MGAM: variants seen among roughly 807,000 people sequenced by gnomAD.
MGAM encodes the protein alpha-1,4-glucosidase.
A neutral mutation model predicts 358.8 loss-of-function variants in MGAM; 253 were observed. That is an observed-to-expected ratio of 0.71 (90% CI 0.64 to 0.78). MGAM has a LOEUF of 0.78. MGAM is among the 30% of genes least tolerant of loss of function. The pLI is 0.00. For synonymous variants in MGAM, 1,105 were observed against 1,227.1 expected, an observed-to-expected ratio of 0.90 and a Z score of 2.08; for missense variants, 3,080 against 3,432.6, an observed-to-expected ratio of 0.90 and a Z score of 2.57.
At chr7:142,069,132 C>A (rs186464166) in intron 43 of MGAM, among the ~76,000 whole-genome samples, 1 of 146,196 alleles carries the variant, frequency 6.8e-6, no homozygotes, top group Non-Finnish European at 1.5e-5. Flanking sequence ...TGATTAAATA[C>A]CTCCTTCCAT....
chr7:142,071,078 A>C lies in MGAM; in HGVS notation c.5146A>C (p.Ile1716Leu). The C allele has an allele frequency of 6.4e-7, 1 of 1,556,300 alleles. No homozygotes were observed. The highest frequency in any genetic ancestry group is 8.8e-7 in the Non-Finnish European group (1 of 1,132,576). The change falls in exon 44 of 71, where the codon ATC (isoleucine) becomes CTC (leucine). Residue 1716 changes from isoleucine to leucine, a missense_variant. Ile to Leu is a conservative substitution (Grantham distance 5). Coordinates refer to ENST00000475668, the MANE Select transcript of MGAM (RefSeq NM_001365693.1). Reference protein sequence around the residue: ...HINLHVRGGYILPWQEPALNT... With the variant: ...HINLHVRGGYLLPWQEPALNT... Reference sequence around the variant, plus strand: ...TAATCTTCATGTCCGTGGGGGCTACATCCTGCCCTGGCAAGAGCCTGCACT... The same window carrying C: ...TAATCTTCATGTCCGTGGGGGCTACCTCCTGCCCTGGCAAGAGCCTGCACT...
intron 9 of MGAM, 91 bp downstream of exon 9, chr7:142,027,318 A>C (rs1807072572): frequency 9.7e-6 from 10 of 1,027,588 alleles, no homozygotes; most frequent in Non-Finnish European, 1.5e-5. Flanking sequence ...GTGACCCACA[A>C]AATCTGCTGT....
chr7:142,095,685 G>A lies in MGAM; in HGVS notation c.7579G>A (p.Val2527Ile), dbSNP rs374392165. 5.5e-5 allele frequency: 88 copies of A among 1,613,990 alleles called. No homozygotes were observed. The highest frequency in any genetic ancestry group is 3.3e-4 in the Middle Eastern group (2 of 6,062). The change falls in exon 64 of 71, where the codon GTC (valine) becomes ATC (isoleucine). Residue 2527 changes from valine (V) to isoleucine (I), a missense_variant. By Grantham distance (29) the Val-to-Ile change is conservative. Around this residue, in one of 5 missense-constraint regions of MGAM, gnomAD observed 932 missense variants for 1,198.2 expected, o/e 0.78. Coordinates refer to ENST00000475668, the MANE Select transcript of MGAM (RefSeq NM_001365693.1). ...TLMHKAHTEG[V>I]TVVRPLLHEF... is the part of the protein sequence containing the mutation. ...GATGCATAAGGCCCACACGGAGGGCGTCACTGTTGTGCGGCCTCTGCTCCA... is the reference window on the plus strand; with the variant it reads ...GATGCATAAGGCCCACACGGAGGGCATCACTGTTGTGCGGCCTCTGCTCCA...
chr7:142,072,260 C>G (rs1813405770), intron 44 of MGAM, among the ~76,000 whole-genome samples: 1 of 145,934 alleles, frequency 6.9e-6, no homozygotes, highest in South Asian at 2.2e-4. Context: ...ACATACAGAC[C>G]AGGTATGCCA....
intron 7 of MGAM, 122 bp downstream of exon 7, chr7:142,022,561 TTCTAG>T (rs1806563649): frequency 7.4e-6 from 8 of 1,080,672 alleles, no homozygotes; most frequent in Non-Finnish European, 9.0e-6. Context: ...TGGCTTTGAA[TTCTAG>T]TCTTGCTATT....
In MGAM at chr7:142,040,142, C is replaced by T; in HGVS notation, c.2344C>T (p.Pro782Ser). The T allele has an allele frequency of 6.2e-7, 1 of 1,612,602 alleles. No homozygotes were observed. Among genetic ancestry groups the T allele is most frequent in the Non-Finnish European group, 8.5e-7 (1 of 1,179,114 alleles). Residue 782 changes from proline to serine, a missense_variant, in exon 20 of 71, where the codon CCT (proline) becomes TCT (serine). Transcript: ENST00000475668. ...EGAEKVMAYV[P>S]DAVWYDYETG... The stretch of plus-strand genomic sequence containing the variant: ...TGCAGAGAAAGTGATGGCATATGTG[C>T]CTGATGCTGTCTGGTATGACTACGA...
intron 3 of MGAM, among the ~76,000 whole-genome samples, chr7:142,009,146 G>A (rs79910232): frequency 0.036 from 5,542 of 152,134 alleles, 335 homozygotes; most frequent in African/African-American, 0.13. Context: ...TCTAGAATCT[G>A]CAGTAAAAAT....
At chr7:142,004,102 A>G (rs546902374) in intron 1 of MGAM, among the ~76,000 whole-genome samples, 66 of 152,208 alleles carry the variant, frequency 4.3e-4, no homozygotes, top group African/African-American at 9.4e-4. Context: ...GAGGATGTAA[A>G]TTAGTACAAT....
Position 142,095,627 on chromosome 7 carries a change from C to A in MGAM, c.7521C>A (p.Thr2507=), listed in dbSNP as rs754757315. 2.5e-5 allele frequency: 41 copies of A among 1,613,728 alleles called. No individual in the cohort carries two copies. Among genetic ancestry groups the A allele is most frequent in the Admixed American group, 1.5e-4 (9 of 59,992 alleles). ...FVNISRTVLQ[T]RYTLLPYLYT... ...ATATTTCCAGAACTGTCCTGCAGACCAGATACACCCTGTTGCCATATCTGT... is the reference window on the plus strand; with the variant it reads ...ATATTTCCAGAACTGTCCTGCAGACAAGATACACCCTGTTGCCATATCTGT... Residue 2507 remains threonine, a synonymous_variant, in exon 64 of 71, where the codon ACC becomes ACA. Transcript: ENST00000475668.
chr7:142,040,450 G>C (rs1049536170), intron 20 of MGAM: 4 of 581,704 alleles, frequency 6.9e-6, no homozygotes, highest in Non-Finnish European at 1.2e-5. Flanking sequence ...GACAATGTGA[G>C]CTTGGTCAGG....
intron 7 of MGAM, among the ~76,000 whole-genome samples, chr7:142,023,686 A>G (rs1297993646): frequency 1.3e-5 from 2 of 150,878 alleles, no homozygotes; most frequent in African/African-American, 4.9e-5. Context: ...CTCAAAAAAA[A>G]AGAGGTTGTA....
At chr7:142,009,870 A>G (rs1554453837) in intron 3 of MGAM, among the ~76,000 whole-genome samples, 1 of 152,112 alleles carries the variant, frequency 6.6e-6, no homozygotes. Flanking sequence ...GGCTATGGAT[A>G]ATGATGTGTT....
Position 142,068,726 on chromosome 7 carries a change from A to G in MGAM, c.5061+23A>G, listed in dbSNP as rs371042184. The stretch of plus-strand genomic sequence containing the variant: ...ACGGTAAGTTTTTCTGAATGTTTAT[A>G]TAACACGGGAATGTGGTAGAGAGTA... On this transcript the variant is annotated intron_variant, in intron 43 of 70. Coordinates refer to ENST00000475668, the MANE Select transcript of MGAM (RefSeq NM_001365693.1). 55 of 1,465,090 alleles carry G rather than the reference A, an allele frequency of 3.8e-5. 4 individuals carry two copies. The East Asian group carries it at 5.1e-4, about 13-fold the overall frequency. 90.8% of individuals were successfully genotyped at this position (1,465,090 alleles called of 1,614,324 possible). A position where few individuals can be genotyped will look rare whatever the true frequency, so the allele number is the denominator to read the frequency against.
At chr7:142,097,902 A>T (rs1001339892) in intron 66 of MGAM, among the ~76,000 whole-genome samples, 15 of 152,168 alleles carry the variant, frequency 9.9e-5, no homozygotes, top group African/African-American at 3.6e-4. Context: ...TCTTTGTGTT[A>T]ATTTTTAATA....
intron 60 of MGAM, 117 bp downstream of exon 60, chr7:142,093,667 C>G: frequency 8.8e-7 from 1 of 1,141,372 alleles, no homozygotes; most frequent in Non-Finnish European, 1.2e-6. Flanking sequence ...ATTCTCATGA[C>G]AACTGTGTAA....
chr7:142,093,699 T>G lies in MGAM; in HGVS notation c.7172+149T>G, dbSNP rs537871546. On this transcript the variant is annotated intron_variant, in intron 60 of 70. Coordinates refer to ENST00000475668, the MANE Select transcript of MGAM (RefSeq NM_001365693.1). The stretch of plus-strand genomic sequence containing the variant: ...GTAATGATTCTTATTAGATAAACAC[T>G]TAGTGACATGGAGCCAGGCCCTGTG... 1.5e-4 allele frequency: 147 copies of G among 979,926 alleles called. 10 individuals carry two copies. Among genetic ancestry groups the G allele is most frequent in the Non-Finnish European group, 2.0e-4 (138 of 681,626 alleles). The allele number at this position is 979,926 out of a possible 1,614,324, so 60.7% of individuals were successfully genotyped here. A position where few individuals can be genotyped will look rare whatever the true frequency, so the allele number is the denominator to read the frequency against.
Position 142,079,908 on chromosome 7 carries a change from C to T in MGAM, c.5848-883C>T, listed in dbSNP as rs957961596. Among the ~76,000 whole-genome samples, 3 of 146,424 alleles carry T rather than the reference C, an allele frequency of 2.0e-5. 1 individual carries two copies. The highest frequency in any genetic ancestry group is 3.1e-5 in the Non-Finnish European group (2 of 64,648). On this transcript the variant is annotated intron_variant, in intron 49 of 70. Transcript: ENST00000475668. ...CATAGCACTAGCATGTTGTAGGCACCTAATGGGTTTGAAGTGAATGAACTT... is the reference window on the plus strand; with the variant it reads ...CATAGCACTAGCATGTTGTAGGCACTTAATGGGTTTGAAGTGAATGAACTT...
chr7:142,106,335 A>G lies in MGAM; in HGVS notation c.*444A>G, dbSNP rs187978063. 6.5e-6 allele frequency: 1 copy of G among 154,448 alleles called. No homozygotes were observed. The highest frequency in any genetic ancestry group is 6.4e-5 in the Admixed American group (1 of 15,542). The allele number at this position is 154,448 out of a possible 1,614,324, so 9.6% of individuals were successfully genotyped here. On this transcript the variant is annotated 3_prime_UTR_variant, in exon 71 of 71. Coordinates refer to ENST00000475668, the MANE Select transcript of MGAM (RefSeq NM_001365693.1). Reference sequence around the variant, plus strand: ...CAGAAAGAACATCTGCTAGTTGGTTATAGGCGGTGGGAGGAATAATATACC... The same window carrying G: ...CAGAAAGAACATCTGCTAGTTGGTTGTAGGCGGTGGGAGGAATAATATACC...
At chr7:142,025,348 A>C (rs1806861737) in intron 8 of MGAM, among the ~76,000 whole-genome samples, 199 bp downstream of exon 8, 1 of 152,190 alleles carries the variant, frequency 6.6e-6, no homozygotes, top group African/African-American at 2.4e-5. Context: ...ATTTTCTCCA[A>C]CTTATGATTT....
Sources: allele counts gnomAD v4.1 joint callset (sites outside exome capture counted in the v4.1 genomes callset), GRCh38; gene constraint gnomAD v4.1.1; regional missense constraint gnomAD v4.1.1; transcripts MANE v1.5; gene names NCBI Gene and HGNC (gene_info 2026-07-23, HGNC 2026-07-21).